The following FMN2 variants were observed in gnomAD, a reference collection of about 807,000 sequenced individuals.
FMN2 encodes formin 2.
Under a neutral mutation model 142.3 loss-of-function variants are expected in FMN2, and 51 were observed. The ratio of observed to expected loss-of-function variants is 0.36; its 90% CI spans 0.29 to 0.45. The LOEUF is 0.45. FMN2 is among the 20% of genes least tolerant of loss of function. The pLI is 1.00. For synonymous variants in FMN2, 882 were observed against 869.8 expected, an observed-to-expected ratio of 1.01 and a Z score of -0.25; for missense variants, 1,936 against 2,122.8, an observed-to-expected ratio of 0.91 and a Z score of 1.73.
At chr1:240,378,647 T>C (rs936993476) in intron 14 of FMN2, among the ~76,000 whole-genome samples, 1 of 152,248 alleles carries the variant, frequency 6.6e-6, no homozygotes, top group African/African-American at 2.4e-5. Flanking sequence ...CTGCTCTCCT[T>C]TCAATCTTTT....
At position 240,329,061 on chromosome 1, in the gene FMN2, T is replaced by G. The variant is rs767561596; in HGVS notation, c.4216-15T>G. On this transcript the variant is annotated splice_polypyrimidine_tract_variant and intron_variant, in intron 8 of 17. Coordinates refer to ENST00000319653, the MANE Select transcript of FMN2 (RefSeq NM_020066.5). ...GGCCAGACTTTGAAAAACTATTTGG[T>G]TTTTGTTTTTCTAGAGAGCACAGTC... 5.0e-6 allele frequency: 8 copies of G among 1,610,620 alleles called. No individual in the cohort carries two copies. The highest frequency in any genetic ancestry group is 6.8e-6 in the Non-Finnish European group (8 of 1,178,182).
At chr1:240,297,901 C>CGGTGT (rs1558419343) in intron 8 of FMN2, among the ~76,000 whole-genome samples, 1 of 152,098 alleles carries the variant, frequency 6.6e-6, no homozygotes, top group African/African-American at 2.4e-5. Context: ...TCACAGACTG[C>CGGTGT]GGTGTTCTTG....
rs575644415 is a variant in FMN2 at position 240,394,937 on chromosome 1, C to A, written c.4910+2375C>A. ...GAGCTGAGATCGCGCCACTGCACTC[C>A]AGCCTGGGTGACAGAGTGAGACTCA... On this transcript the variant is annotated intron_variant, in intron 15 of 17. Coordinates refer to ENST00000319653, the MANE Select transcript of FMN2 (RefSeq NM_020066.5). Among the ~76,000 whole-genome samples the A allele has an allele frequency of 2.0e-5, 3 of 152,290 alleles. No homozygotes were observed. In the South Asian group the frequency reaches 6.2e-4, roughly 32 times the overall value.
At chr1:240,345,448 G>A (rs1290151436) in intron 13 of FMN2, among the ~76,000 whole-genome samples, 1 of 152,096 alleles carries the variant, frequency 6.6e-6, no homozygotes, top group East Asian at 1.9e-4. Context: ...GATCCCATGA[G>A]AAACCATCTG....
chr1:240,110,935 A>G (rs1334755622), intron 1 of FMN2, among the ~76,000 whole-genome samples: 1 of 152,160 alleles, frequency 6.6e-6, no homozygotes, highest in Admixed American at 6.5e-5. Context: ...AGATATTTGA[A>G]TCTGTGATTA....
At chr1:240,184,668 G>A (rs918952276) in intron 3 of FMN2, among the ~76,000 whole-genome samples, 1 of 151,908 alleles carries the variant, frequency 6.6e-6, no homozygotes, top group African/African-American at 2.4e-5. Flanking sequence ...ATATTCGATG[G>A]AGATGATCAG....
chr1:240,205,891 CTTTTTT>C (rs57803350), intron 4 of FMN2, among the ~76,000 whole-genome samples: 315 of 120,572 alleles, frequency 2.6e-3, no homozygotes, highest in African/African-American at 7.9e-3. Context: ...TATCAGCCAT[CTTTTTT>C]TTTTTTTTTT....
Position 240,226,889 on chromosome 1 carries a change from CTG to C in FMN2, c.4065+15657_4065+15658del, listed in dbSNP as rs578153150. ...GGGAACTTCCTCAGCCTGATAGCATCTGTGAAAAACCCAGGGCTCACATTGAA... is the reference window on the plus strand; with the variant it reads ...GGGAACTTCCTCAGCCTGATAGCATCTGAAAAACCCAGGGCTCACATTGAA... On this transcript the variant is annotated intron_variant, in intron 6 of 17. Coordinates refer to ENST00000319653, the MANE Select transcript of FMN2 (RefSeq NM_020066.5). Among the ~76,000 whole-genome samples, 412 of 152,116 alleles carry C rather than the reference CTG, an allele frequency of 2.7e-3. 3 individuals are homozygous for C. The South Asian group carries it at 0.027, about 10-fold the overall frequency.
intron 15 of FMN2, among the ~76,000 whole-genome samples, chr1:240,432,824 A>G (rs1481455391): frequency 6.6e-6 from 1 of 152,122 alleles, no homozygotes; most frequent in Admixed American, 6.5e-5. Context: ...ATAATTTAAT[A>G]CCACTGTGCT....
At chr1:240,330,570 A>G in intron 10 of FMN2, 33 bp from the exon 11 acceptor site, 1 of 1,601,240 alleles carries the variant, frequency 6.2e-7, no homozygotes, top group South Asian at 1.1e-5. Flanking sequence ...GTATAAGATA[A>G]AAGTTGTTTT....
At chr1:240,261,401 T>C (rs1437376554) in intron 7 of FMN2, among the ~76,000 whole-genome samples, 1 of 152,162 alleles carries the variant, frequency 6.6e-6, no homozygotes, top group East Asian at 1.9e-4. Context: ...TGTGCTTTTT[T>C]TTTTTACCAC....
At chr1:240,233,726 C>T (rs1451271422) in intron 6 of FMN2, among the ~76,000 whole-genome samples, 1 of 152,138 alleles carries the variant, frequency 6.6e-6, no homozygotes, top group Non-Finnish European at 1.5e-5. Context: ...ATAGGACCAC[C>T]TCATTAATTC....
In FMN2 at chr1:240,100,765, C is replaced by A. The variant is rs571194961; in HGVS notation, c.1615+7041C>A. On this transcript the variant is annotated intron_variant, in intron 1 of 17. Coordinates refer to ENST00000319653, the MANE Select transcript of FMN2 (RefSeq NM_020066.5). ...CAGTCAGGCTCCAACCTACCAGGAACCCACTGGAAGCTTTATTATCTGTTA... is the reference window on the plus strand; with the variant it reads ...CAGTCAGGCTCCAACCTACCAGGAAACCACTGGAAGCTTTATTATCTGTTA... 2.0e-5 allele frequency among the ~76,000 whole-genome samples: 3 copies of A among 152,276 alleles called. No individual in the cohort carries two copies. In the South Asian group the frequency reaches 6.2e-4, roughly 32 times the overall value.
At chr1:240,219,662 TA>T (rs1252637501) in intron 6 of FMN2, among the ~76,000 whole-genome samples, 28 of 152,290 alleles carry the variant, frequency 1.8e-4, no homozygotes, top group African/African-American at 6.5e-4. Flanking sequence ...TTTTTGTATT[TA>T]TTTTTTTTTG....
chr1:240,434,656 G>A (rs1301144673), intron 15 of FMN2, among the ~76,000 whole-genome samples: 1 of 151,300 alleles, frequency 6.6e-6, no homozygotes, highest in African/African-American at 2.4e-5. Flanking sequence ...CCGCCTCCCG[G>A]GTTCATGCCA....
chr1:240,306,054 A>G (rs1670383921), intron 8 of FMN2, among the ~76,000 whole-genome samples: 2 of 150,048 alleles, frequency 1.3e-5, no homozygotes, highest in African/African-American at 2.5e-5. Flanking sequence ...GGTTCAAGTG[A>G]TTCTCCTGCC....
chr1:240,415,111 GA>G (rs1468265180), intron 15 of FMN2, among the ~76,000 whole-genome samples: 2 of 152,044 alleles, frequency 1.3e-5, no homozygotes, highest in African/African-American at 4.8e-5. Flanking sequence ...AAAATATGTT[GA>G]ATAGCAAAGT....
At chr1:240,234,420 T>G (rs367714905) in intron 6 of FMN2, among the ~76,000 whole-genome samples, 1 of 151,768 alleles carries the variant, frequency 6.6e-6, no homozygotes, top group South Asian at 2.1e-4. Flanking sequence ...GAAAACCCAT[T>G]GTAGAAGAAA....
intron 8 of FMN2, among the ~76,000 whole-genome samples, chr1:240,326,033 T>C (rs1671160491): frequency 6.6e-6 from 1 of 152,222 alleles, no homozygotes; most frequent in South Asian, 2.1e-4. Context: ...CTATATTTTT[T>C]CTAGAAGTAA....
Sources: allele counts gnomAD v4.1 joint callset (sites outside exome capture counted in the v4.1 genomes callset), GRCh38; gene constraint gnomAD v4.1.1; transcripts MANE v1.5; gene names NCBI Gene and HGNC (gene_info 2026-07-23, HGNC 2026-07-21).